The following SGMS2 variants were observed in gnomAD, a reference collection of about 807,000 sequenced individuals.
SGMS2 encodes the protein sphingomyelin synthase 2, also known as phosphatidylcholine:ceramide cholinephosphotransferase 2.
SGMS2 carries 21 observed loss-of-function variants against 43.8 expected under a neutral mutation model. The observed-to-expected ratio is 0.48, with a 90% CI of 0.34 to 0.69. The LOEUF (loss-of-function observed/expected upper bound fraction) is 0.69, where lower values mean the gene tolerates loss of function less well. Among genes scored for constraint, SGMS2 ranks in the 30% least tolerant of loss-of-function variants. The pLI, the probability that SGMS2 is intolerant of heterozygous loss-of-function variation, is 0.01. For synonymous variants in SGMS2, 167 were observed against 160.6 expected (o/e 1.04, Z -0.30); for missense variants, 384 against 443.2 (o/e 0.87, Z 1.20).
At chr4:107,852,259 A>T (rs1441913134) in intron 1 of SGMS2, among the ~76,000 whole-genome samples, 1 of 150,458 alleles carries the variant, frequency 6.6e-6, no homozygotes, top group African/African-American at 2.4e-5. Flanking sequence ...TTGTACTTTT[A>T]GTAGAGACGG....
Position 107,895,979 on chromosome 4 carries a change from G to C in SGMS2, c.426G>C (p.Trp142Cys). Residue 142 changes from tryptophan (W) to cysteine (C), a missense_variant, in exon 3 of 7, where the codon TGG (tryptophan) becomes TGC (cysteine). By Grantham distance (215) the Trp-to-Cys change is radical (BLOSUM62 -2). Coordinates refer to ENST00000690982, the MANE Select transcript of SGMS2 (RefSeq NM_001375905.1). ...EINGIILVGL[W>C]ITQWLFLRYK... The stretch of plus-strand genomic sequence containing the variant: ...ATGGGATTATATTAGTTGGATTATG[G>C]ATCACCCAGTGGCTGTTTCTGAGAT... 1 of 1,613,110 alleles carries C rather than the reference G, an allele frequency of 6.2e-7. No homozygotes were observed. Among genetic ancestry groups the C allele is most frequent in the Non-Finnish European group, 8.5e-7 (1 of 1,179,296 alleles).
chr4:107,833,919 C>T (rs1726030739), intron 1 of SGMS2, among the ~76,000 whole-genome samples: 1 of 152,154 alleles, frequency 6.6e-6, no homozygotes, highest in Admixed American at 6.5e-5. Flanking sequence ...GGAAGGAGGC[C>T]ACAAGCCAAG....
rs908283375 is a variant in SGMS2 at position 107,914,237 on chromosome 4, A to G, written c.*3684A>G. 1 of 152,132 alleles carries G rather than the reference A, an allele frequency of 6.6e-6. No homozygotes were observed. Among genetic ancestry groups the G allele is most frequent in the Non-Finnish European group, 1.5e-5 (1 of 67,970 alleles). 9.4% of individuals were successfully genotyped at this position (152,132 alleles called of 1,614,324 possible). ...CAATGTTACCCAAAGATAAGTTTTT[A>G]TACAGATACACACCTTATAAGTTCT... On this transcript the variant is annotated 3_prime_UTR_variant, in exon 7 of 7. Transcript: ENST00000690982.
At chr4:107,885,232 T>G (rs985919639) in intron 2 of SGMS2, among the ~76,000 whole-genome samples, 2 of 152,154 alleles carry the variant, frequency 1.3e-5, no homozygotes, top group Admixed American at 6.6e-5. Flanking sequence ...GTTACATTTT[T>G]TTTTTTAACT....
At chr4:107,870,687 C>A (rs192954008) in intron 2 of SGMS2, among the ~76,000 whole-genome samples, 1 of 152,176 alleles carries the variant, frequency 6.6e-6, no homozygotes, top group East Asian at 1.9e-4. Context: ...CTCCCAATGT[C>A]CTATGCTTAT....
At chr4:107,851,608 A>C (rs2126015756) in intron 1 of SGMS2, among the ~76,000 whole-genome samples, 1 of 152,278 alleles carries the variant, frequency 6.6e-6, no homozygotes, top group East Asian at 1.9e-4. Flanking sequence ...TTTGACAATA[A>C]CACTTCTGTA....
chr4:107,850,031 T>C (rs1727050590), intron 1 of SGMS2, among the ~76,000 whole-genome samples: 2 of 152,200 alleles, frequency 1.3e-5, no homozygotes, highest in Non-Finnish European at 2.9e-5. Flanking sequence ...GGTTGATTTC[T>C]CATGAATGAT....
intron 1 of SGMS2, among the ~76,000 whole-genome samples, chr4:107,840,752 C>A (rs1171728188): frequency 6.6e-6 from 1 of 152,052 alleles, no homozygotes; most frequent in African/African-American, 2.4e-5. Context: ...AATTTTTGGG[C>A]AGGTTATGCT....
intron 3 of SGMS2, among the ~76,000 whole-genome samples, chr4:107,898,601 C>A (rs930138108): frequency 2.6e-5 from 4 of 152,146 alleles, no homozygotes; most frequent in African/African-American, 4.8e-5. Context: ...ATCTCTTAAT[C>A]CCCAGAGCCC....
At chr4:107,828,794 G>A (rs1056218545) in intron 1 of SGMS2, among the ~76,000 whole-genome samples, 2 of 152,110 alleles carry the variant, frequency 1.3e-5, no homozygotes, top group African/African-American at 2.4e-5. Flanking sequence ...TAATTTCTGC[G>A]TTCCTTTAGC....
chr4:107,845,660 T>C (rs1578517656), intron 1 of SGMS2, among the ~76,000 whole-genome samples: 1 of 152,280 alleles, frequency 6.6e-6, no homozygotes, highest in East Asian at 1.9e-4. Context: ...GGGCTACAAG[T>C]ATGTTCTTAA....
chr4:107,910,428 G>A lies in SGMS2; in HGVS notation c.973G>A (p.Val325Ile), dbSNP rs1315423944. The change falls in exon 7 of 7, where the codon GTA becomes ATA. Residue 325 changes from valine to isoleucine, a missense_variant. Val to Ile is a conservative substitution (Grantham distance 29, BLOSUM62 3). Transcript: ENST00000690982. ...CATCTTTTATTTTTTTGAGAAAAAT[G>A]TACAAGGCTCAATTCCTTGCTGCTT... ...FPIFYFFEKN[V>I]QGSIPCCFSW... 2.5e-6 allele frequency: 4 copies of A among 1,614,044 alleles called. No individual in the cohort carries two copies. The Admixed American group carries it at 5.0e-5, about 20-fold the overall frequency.
chr4:107,849,978 A>G (rs1265796751), intron 1 of SGMS2, among the ~76,000 whole-genome samples: 3 of 152,162 alleles, frequency 2.0e-5, no homozygotes, highest in Non-Finnish European at 4.4e-5. Context: ...TATAATCCCC[A>G]GTATTGGATG....
At chr4:107,844,405 TA>T (rs956698918) in intron 1 of SGMS2, among the ~76,000 whole-genome samples, 5 of 150,018 alleles carry the variant, frequency 3.3e-5, no homozygotes, top group South Asian at 2.1e-4. Context: ...TAGGAGTGTT[TA>T]AAAAAAAAGT....
chr4:107,897,340 G>A (rs539324569), intron 3 of SGMS2, among the ~76,000 whole-genome samples: 1 of 152,160 alleles, frequency 6.6e-6, no homozygotes, highest in Non-Finnish European at 1.5e-5. Context: ...AAAGTAACCT[G>A]CTCCTGAAAT....
intron 1 of SGMS2, among the ~76,000 whole-genome samples, chr4:107,828,728 T>C (rs890628289): frequency 2.6e-5 from 4 of 152,232 alleles, no homozygotes; most frequent in Non-Finnish European, 4.4e-5. Flanking sequence ...TTTTCTAAAC[T>C]GTATTCAGAA....
intron 3 of SGMS2, 86 bp downstream of exon 3, chr4:107,896,094 T>C (rs1730647660): frequency 2.4e-6 from 3 of 1,257,002 alleles, no homozygotes; most frequent in Admixed American, 2.4e-5. Context: ...TTCCTTTTTT[T>C]CCCCCAATAA....
In SGMS2 at chr4:107,895,983, A is replaced by C. The variant is rs777356695; in HGVS notation, c.430A>C (p.Thr144Pro). ...GATTATATTAGTTGGATTATGGATC[A>C]CCCAGTGGCTGTTTCTGAGATACAA... The part of the protein sequence containing the change: ...NGIILVGLWI[T>P]QWLFLRYKSI... The change falls in exon 3 of 7, where the codon ACC (threonine) becomes CCC (proline). Residue 144 changes from threonine to proline, a missense_variant. Coordinates refer to ENST00000690982, the MANE Select transcript of SGMS2 (RefSeq NM_001375905.1). 6.2e-7 allele frequency: 1 copy of C among 1,611,218 alleles called. No individual in the cohort carries two copies. The highest frequency in any genetic ancestry group is 8.5e-7 in the Non-Finnish European group (1 of 1,177,894).
intron 2 of SGMS2, among the ~76,000 whole-genome samples, chr4:107,884,299 G>GT (rs1729575615): frequency 6.6e-6 from 1 of 152,070 alleles, no homozygotes; most frequent in Non-Finnish European, 1.5e-5. Flanking sequence ...GGATTATTTT[G>GT]TTTGTTGTTG....
Sources: allele counts gnomAD v4.1 joint callset (sites outside exome capture counted in the v4.1 genomes callset), GRCh38; gene constraint gnomAD v4.1.1; transcripts MANE v1.5; gene names NCBI Gene and HGNC (gene_info 2026-07-23, HGNC 2026-07-21).